The following STAC variants were observed in gnomAD, a reference collection of about 807,000 sequenced individuals.
The protein encoded by STAC is SH3 and cysteine-rich domain-containing protein.
STAC carries 43 observed loss-of-function variants against 48.8 expected under a neutral mutation model. The ratio of observed to expected loss-of-function variants is 0.88; its 90% CI spans 0.69 to 1.14. STAC has a LOEUF of 1.14. Among genes scored for constraint, STAC ranks in the 50% most tolerant of loss-of-function variants. The pLI is 0.00. For synonymous variants in STAC, 193 were observed against 179.5 expected (o/e 1.07, Z -0.60); for missense variants, 497 against 504.0 (o/e 0.99, Z 0.13).
chr3:36,507,709 G>A (rs1303016141), intron 8 of STAC, among the ~76,000 whole-genome samples: 5 of 152,176 alleles, frequency 3.3e-5, no homozygotes, highest in Admixed American at 3.3e-4. Context: ...TGGCGTAGAG[G>A]TGTGTATAGT....
At chr3:36,516,092 T>A (rs999268488) in intron 8 of STAC, among the ~76,000 whole-genome samples, 4 of 145,138 alleles carry the variant, frequency 2.8e-5, no homozygotes, top group Non-Finnish European at 6.0e-5. Flanking sequence ...CAAGTGATTC[T>A]CCTGCCTCAG....
intron 10 of STAC, among the ~76,000 whole-genome samples, chr3:36,543,162 C>T (rs987337509): frequency 6.6e-6 from 1 of 152,068 alleles, no homozygotes; most frequent in African/African-American, 2.4e-5. Flanking sequence ...AAAGAGTTCC[C>T]CTGTCCTCAC....
chr3:36,501,320 AG>A (rs1698278274), intron 6 of STAC, among the ~76,000 whole-genome samples: 1 of 152,174 alleles, frequency 6.6e-6, no homozygotes, highest in Admixed American at 6.5e-5. Context: ...AACTCAGAAA[AG>A]CAGAAGGCAA....
At chr3:36,402,525 A>G (rs1054841016) in intron 1 of STAC, among the ~76,000 whole-genome samples, 2 of 152,166 alleles carry the variant, frequency 1.3e-5, no homozygotes, top group African/African-American at 4.8e-5. Context: ...AACTTGCTCA[A>G]TGCTAAAGGC....
chr3:36,547,671 G>A lies in STAC; in HGVS notation c.*1382G>A, dbSNP rs180928448. ...ACTTAAGTGGATGCATCCTATGCAT[G>A]TAAGCATTATTTCCCAAACCAAAGC... is the stretch of plus-strand genomic sequence containing the variant. On this transcript the variant is annotated 3_prime_UTR_variant, in exon 11 of 11. Transcript: ENST00000273183. 11 of 152,658 alleles carry A rather than the reference G, an allele frequency of 7.2e-5. No individual in the cohort carries two copies. The highest frequency in any genetic ancestry group is 1.5e-4 in the Non-Finnish European group (10 of 68,010). The allele number at this position is 152,658 out of a possible 1,614,324, so 9.5% of individuals were successfully genotyped here.
At chr3:36,399,484 A>G (rs1699957606) in intron 1 of STAC, among the ~76,000 whole-genome samples, 2 of 152,204 alleles carry the variant, frequency 1.3e-5, no homozygotes, top group African/African-American at 4.8e-5. Flanking sequence ...TGAGTAACAT[A>G]GCAGAAAGTG....
intron 1 of STAC, among the ~76,000 whole-genome samples, chr3:36,390,515 C>A (rs1321755782): frequency 1.6e-5 from 2 of 122,164 alleles, no homozygotes; most frequent in East Asian, 2.6e-4. Flanking sequence ...TAATAGATAT[C>A]CTAATATTAA....
At chr3:36,417,770 A>G (rs1700353266) in intron 1 of STAC, among the ~76,000 whole-genome samples, 1 of 152,226 alleles carries the variant, frequency 6.6e-6, no homozygotes, top group African/African-American at 2.4e-5. Flanking sequence ...TATGTATTAT[A>G]GAATTTATGT....
chr3:36,527,547 T>C (rs1389799129), intron 8 of STAC, among the ~76,000 whole-genome samples: 2 of 151,996 alleles, frequency 1.3e-5, no homozygotes, highest in African/African-American at 2.4e-5. Context: ...GAAAAAAATT[T>C]AAGAACATAG....
In STAC at chr3:36,493,239, G is replaced by A; in HGVS notation, c.766+10G>A. 2 of 1,612,588 alleles carry A rather than the reference G, an allele frequency of 1.2e-6. No homozygotes were observed. The highest frequency in any genetic ancestry group is 1.7e-6 in the Non-Finnish European group (2 of 1,179,034). ...AAACGCAGCAACAGCGGTGAGTGAG[G>A]GAGTTGGCACAGCACAAATGTGATC... On this transcript the variant is annotated intron_variant, in intron 6 of 10. Transcript: ENST00000273183.
chr3:36,474,647 G>A (rs1463980478), intron 2 of STAC, among the ~76,000 whole-genome samples: 1 of 152,148 alleles, frequency 6.6e-6, no homozygotes, highest in Non-Finnish European at 1.5e-5. Flanking sequence ...CAATGGAAAT[G>A]CCACACAGAC....
intron 2 of STAC, among the ~76,000 whole-genome samples, chr3:36,451,993 C>T (rs1172285560): frequency 6.6e-6 from 1 of 152,168 alleles, no homozygotes; most frequent in African/African-American, 2.4e-5. Context: ...GCTGGCTTTA[C>T]TCAGATCCAC....
intron 1 of STAC, among the ~76,000 whole-genome samples, chr3:36,401,048 T>C (rs1389913474): frequency 1.3e-5 from 2 of 152,198 alleles, no homozygotes; most frequent in Admixed American, 1.3e-4. Context: ...CGGCTTCATA[T>C]GGCTGAGATT....
chr3:36,507,639 G>T (rs1698436253), intron 8 of STAC, among the ~76,000 whole-genome samples: 1 of 152,100 alleles, frequency 6.6e-6, no homozygotes, highest in Non-Finnish European at 1.5e-5. Context: ...TTCTGATTTA[G>T]TCTTGGGAGG....
intron 8 of STAC, among the ~76,000 whole-genome samples, chr3:36,514,966 A>T (rs1003717742): frequency 2.0e-5 from 3 of 151,892 alleles, no homozygotes; most frequent in African/African-American, 7.3e-5. Context: ...TGAACCAGGG[A>T]GGTGGAGGTT....
chr3:36,427,461 G>T (rs2125649876), intron 1 of STAC, among the ~76,000 whole-genome samples: 1 of 152,274 alleles, frequency 6.6e-6, no homozygotes, highest in Middle Eastern at 3.4e-3. Flanking sequence ...AGTGTCTACA[G>T]GCTGCCTGGC....
chr3:36,383,346 T>TTAC (rs61100294), intron 1 of STAC, among the ~76,000 whole-genome samples: 34,580 of 151,924 alleles, frequency 0.23, 4,621 homozygotes, highest in African/African-American at 0.38. Context: ...AAATTTATTA[T>TTAC]GGAAAATTTT....
chr3:36,442,062 T>C (rs775427827), intron 1 of STAC, among the ~76,000 whole-genome samples: 7 of 152,212 alleles, frequency 4.6e-5, no homozygotes, highest in Admixed American at 6.5e-5. Flanking sequence ...TCACTCTGTG[T>C]CAGTGGGGAT....
At chr3:36,497,114 A>G (rs1385378865) in intron 6 of STAC, among the ~76,000 whole-genome samples, 1 of 152,168 alleles carries the variant, frequency 6.6e-6, no homozygotes, top group Non-Finnish European at 1.5e-5. Context: ...AGGTGTCAAA[A>G]AGAGCAGATA....
Sources: allele counts gnomAD v4.1 joint callset (sites outside exome capture counted in the v4.1 genomes callset), GRCh38; gene constraint gnomAD v4.1.1; transcripts MANE v1.5; gene names NCBI Gene and HGNC (gene_info 2026-07-23, HGNC 2026-07-21).